Variants in CYB5R2 observed in about 807,000 individuals in gnomAD.
CYB5R2 encodes NADH-cytochrome b5 reductase 2.
Under a neutral mutation model 29.8 loss-of-function variants are expected in CYB5R2, and 35 were observed. That is an observed-to-expected ratio of 1.17 (90% confidence interval 0.90 to 1.56). The LOEUF (loss-of-function observed/expected upper bound fraction) is 1.56. Among genes scored for constraint, CYB5R2 ranks in the 40% most tolerant of loss-of-function variants. The probability of loss-of-function intolerance (pLI) is 0.00; values close to 1 mark genes in which losing one functional copy is unlikely to be tolerated. For missense variants in CYB5R2, 419 were observed against 346.7 expected (o/e 1.21, Z -1.66); for synonymous variants, 169 against 130.6 (o/e 1.29, Z -2.01).
intron 8 of CYB5R2, chr11:7,666,174 T>C (rs576857499): frequency 1.5e-4 from 91 of 598,552 alleles, no homozygotes; most frequent in Admixed American, 3.5e-4. Flanking sequence ...GGGTGGGTGT[T>C]CACAGTGGAC....
At chr11:7,673,678 T>G, upstream of CYB5R2, 1 of 985,386 alleles carries the variant, frequency 1.0e-6, no homozygotes, top group Non-Finnish European at 1.2e-6. Flanking sequence ...CGGAGATATT[T>G]CTTCAATACT....
chr11:7,669,796 G>A lies in CYB5R2; in HGVS notation c.152-65C>T, dbSNP rs567026055. 3.4e-6 allele frequency: 4 copies of A among 1,172,196 alleles called. No homozygotes were observed. In the Admixed American group the frequency reaches 5.2e-5, roughly 15 times the overall value. The allele number at this position is 1,172,196 out of a possible 1,614,324, so 72.6% of individuals were successfully genotyped here. The stretch of plus-strand genomic sequence containing the variant: ...AGCTTAAATAAGGCCCAGGAATAAA[G>A]GACTGAGCTTCAGTGAAGGGAGCAA... On this transcript the variant is annotated intron_variant, in intron 3 of 8. Coordinates refer to ENST00000299498, the MANE Select transcript of CYB5R2 (RefSeq NM_016229.5).
Position 7,667,795 on chromosome 11 carries a change from T to G in CYB5R2, c.491A>C (p.Gln164Pro), listed in dbSNP as rs747824130. The G allele has an allele frequency of 1.4e-5, 22 of 1,614,076 alleles. No homozygotes were observed. The East Asian group carries it at 4.7e-4, about 34-fold the overall frequency. The change falls in exon 7 of 9, where the codon CAG becomes CCG. Residue 164 changes from glutamine to proline, a missense_variant. Transcript: ENST00000299498. ...AGGTGITPML[Q>P]LIRHITKDPS... is the part of the protein sequence containing the mutation. ...GTCCTTGGTGATGTGGCGAATGAGC[T>G]GCAACATGGGTGTGATGCCTGGAAC...
upstream of CYB5R2, chr11:7,673,602 C>A: frequency 1.0e-6 from 1 of 985,458 alleles, no homozygotes; most frequent in Non-Finnish European, 1.2e-6. Context: ...ACCTCCCGGT[C>A]GGACGTTCGT....
intron 5 of CYB5R2, chr11:7,668,870 G>A (rs888581277): frequency 8.7e-6 from 5 of 575,424 alleles, no homozygotes; most frequent in African/African-American, 5.6e-5. Flanking sequence ...GAACCAGTGA[G>A]TAAACAATGG....
intron 5 of CYB5R2, chr11:7,668,808 G>T: frequency 1.7e-6 from 1 of 595,328 alleles, no homozygotes; most frequent in Non-Finnish European, 3.0e-6. Flanking sequence ...GAAAAAGAGG[G>T]GCAAGCTGAA....
At chr11:7,672,653 G>A in intron 2 of CYB5R2, 95 bp downstream of exon 2, 1 of 1,516,202 alleles carries the variant, frequency 6.6e-7, no homozygotes, top group South Asian at 1.1e-5. Context: ...GGGCGGCGGG[G>A]AGTGAACTGG....
In CYB5R2 at chr11:7,673,467, GTT is replaced by G; in HGVS notation, c.-117_-116del. Reference sequence around the variant, plus strand: ...TCCCAACTCAAGCCCGACAGGGAAAGTTGCCTCTCCTCCCGCCGGGTCACTGG... The same window carrying G: ...TCCCAACTCAAGCCCGACAGGGAAAGGCCTCTCCTCCCGCCGGGTCACTGG... On this transcript the variant is annotated 5_prime_UTR_variant, in exon 1 of 9. Coordinates refer to ENST00000299498, the MANE Select transcript of CYB5R2 (RefSeq NM_016229.5). The G allele has an allele frequency of 7.1e-6, 7 of 986,318 alleles. No homozygotes were observed. The highest frequency in any genetic ancestry group is 8.4e-6 in the Non-Finnish European group (7 of 830,636). The allele number at this position is 986,318 out of a possible 1,614,324, so 61.1% of individuals were successfully genotyped here.
Position 7,665,169 on chromosome 11 carries a change from C to A in CYB5R2, c.*205G>T. 1 of 463,534 alleles carries A rather than the reference C, an allele frequency of 2.2e-6. No individual in the cohort carries two copies. The highest frequency in any genetic ancestry group is 3.8e-6 in the Non-Finnish European group (1 of 263,834). 28.7% of individuals were successfully genotyped at this position (463,534 alleles called of 1,614,324 possible). A position where few individuals can be genotyped will look rare whatever the true frequency, so the allele number is the denominator to read the frequency against. On this transcript the variant is annotated 3_prime_UTR_variant, in exon 9 of 9. Coordinates refer to ENST00000299498, the MANE Select transcript of CYB5R2 (RefSeq NM_016229.5). ...GATACTGAAATGGAGCTCTTTCCAG[C>A]CTCCAAGCAAGGAGGCCCCAGCAGC...
rs76915129 is a variant in CYB5R2, at chr11:7,665,286, G to C, written c.*88C>G. ...CGAAGGTACATGGCAAGGCACTTTT[G>C]AAAACATCCCAGTTTACCGTGGTGA... is the stretch of plus-strand genomic sequence containing the variant. On this transcript the variant is annotated 3_prime_UTR_variant, in exon 9 of 9. Coordinates refer to ENST00000299498, the MANE Select transcript of CYB5R2 (RefSeq NM_016229.5). The C allele has an allele frequency of 2.5e-6, 3 of 1,208,778 alleles. No individual in the cohort carries two copies. Among genetic ancestry groups the C allele is most frequent in the Non-Finnish European group, 3.4e-6 (3 of 878,656 alleles). The allele number at this position is 1,208,778 out of a possible 1,614,324, so 74.9% of individuals were successfully genotyped here. A position where few individuals can be genotyped will look rare whatever the true frequency, so the allele number is the denominator to read the frequency against.
At chr11:7,665,730 C>T in intron 8 of CYB5R2, 184 bp from the exon 9 acceptor site, 1 of 1,205,036 alleles carries the variant, frequency 8.3e-7, no homozygotes, top group Non-Finnish European at 1.1e-6. Context: ...CTGCAGCAAT[C>T]ACCCCAGGTC....
At chr11:7,669,146 G>T in intron 5 of CYB5R2, 59 bp downstream of exon 5, 1 of 1,605,714 alleles carries the variant, frequency 6.2e-7, no homozygotes, top group Non-Finnish European at 8.5e-7. Context: ...CGAGAACAAT[G>T]GAACCATTGC....
At chr11:7,669,821 A>G in intron 3 of CYB5R2, 90 bp from the exon 4 acceptor site, 1 of 917,170 alleles carries the variant, frequency 1.1e-6, no homozygotes, top group Non-Finnish European at 1.8e-6. Flanking sequence ...GAAGGGAGCA[A>G]ATACTGGGGG....
intron 3 of CYB5R2, 70 bp from the exon 4 acceptor site, chr11:7,669,801 G>A (rs1424368309): frequency 6.2e-6 from 7 of 1,124,064 alleles, no homozygotes; most frequent in Non-Finnish European, 9.4e-6. Flanking sequence ...ATAAAGGACT[G>A]AGCTTCAGTG....
upstream of CYB5R2, chr11:7,673,589 C>G (rs1020032081): frequency 5.4e-5 from 53 of 985,384 alleles, no homozygotes; most frequent in Non-Finnish European, 5.4e-5. Context: ...GCTCCGGCCC[C>G]CAACCTCCCG....
intron 8 of CYB5R2, 33 bp from the exon 9 acceptor site, chr11:7,665,579 C>G (rs55826178): frequency 0.39 from 604,079 of 1,563,658 alleles, 122,607 homozygotes; most frequent in Non-Finnish European, 0.42. Context: ...GCAAGCTGAG[C>G]GATGCCAGGT....
chr11:7,665,391 T>A lies in CYB5R2; in HGVS notation c.814A>T (p.Met272Leu), dbSNP rs778393076. ...NLEKLGYTQD[M>L]IFTY ...TGGAGGTGTTAGTAGGTGAAAATCA[T>A]GTCCTGGGTATAACCCAGCTTCTCC... The change falls in exon 9 of 9, where the codon ATG becomes TTG. Residue 272 changes from methionine (M) to leucine (L), a missense_variant. Coordinates refer to ENST00000299498, the MANE Select transcript of CYB5R2 (RefSeq NM_016229.5). 1.3e-6 allele frequency: 2 copies of A among 1,580,002 alleles called. No homozygotes were observed. Among genetic ancestry groups the A allele is most frequent in the Admixed American group, 3.8e-5 (2 of 52,488 alleles).
Position 7,665,433 on chromosome 11 carries a change from C to T in CYB5R2, c.772G>A (p.Ala258Thr), listed in dbSNP as rs781526880. The T allele has an allele frequency of 4.3e-6, 7 of 1,612,502 alleles. No individual in the cohort carries two copies. Among genetic ancestry groups the T allele is most frequent in the African/African-American group, 2.7e-5 (2 of 74,870 alleles). The change falls in exon 9 of 9, where the codon GCG becomes ACG. Residue 258 changes from alanine to threonine, a missense_variant. By Grantham distance (58) the Ala-to-Thr change is moderately conservative (BLOSUM62 0). Coordinates refer to ENST00000299498, the MANE Select transcript of CYB5R2 (RefSeq NM_016229.5). ...VCGPPPLIQTAAHPNLEKLGY... is the reference protein window; with the variant it reads ...VCGPPPLIQTTAHPNLEKLGY... ...AGCTTCTCCAGGTTAGGGTGAGCCGCCGTCTGGATTAGTGGTGGCGGGCCA... is the reference window on the plus strand; with the variant it reads ...AGCTTCTCCAGGTTAGGGTGAGCCGTCGTCTGGATTAGTGGTGGCGGGCCA...
chr11:7,672,581 C>G (rs1855818062), intron 2 of CYB5R2, 58 bp from the exon 3 acceptor site: 1 of 1,565,738 alleles, frequency 6.4e-7, no homozygotes, highest in Non-Finnish European at 8.8e-7. Flanking sequence ...TGCTGGGCAG[C>G]TGAGATGCCT....
Sources: gnomAD v4.1 joint callset for allele counts on GRCh38, gnomAD v4.1.1 for gene constraint, MANE v1.5 for transcripts, NCBI Gene and HGNC (gene_info 2026-07-23, HGNC 2026-07-21) for gene names.